The following CHRNB3 variants were observed in gnomAD, a reference collection of about 807,000 sequenced individuals.
CHRNB3 encodes the protein cholinergic receptor nicotinic beta 3 subunit.
A neutral mutation model predicts 40.6 loss-of-function variants in CHRNB3; 37 were observed. The ratio of observed to expected loss-of-function variants is 0.91; its 90% confidence interval spans 0.70 to 1.20. The LOEUF (loss-of-function observed/expected upper bound fraction) is 1.20. Ranked by LOEUF, CHRNB3 falls within the 50% of genes most tolerant of loss-of-function variation. The pLI is 0.00. For synonymous variants in CHRNB3, 207 were observed against 207.1 expected (o/e 1.00, Z 0.00); for missense variants, 505 against 551.2 (o/e 0.92, Z 0.84).
intron 3 of CHRNB3, among the ~76,000 whole-genome samples, chr8:42,721,474 A>T (rs901189236): frequency 6.6e-6 from 1 of 152,112 alleles, no homozygotes; most frequent in Non-Finnish European, 1.5e-5. Context: ...CTGTAATCTC[A>T]GCACTTTGGG....
intron 1 of CHRNB3, among the ~76,000 whole-genome samples, chr8:42,704,989 G>C (rs1815896965): frequency 6.6e-6 from 1 of 152,158 alleles, no homozygotes; most frequent in South Asian, 2.1e-4. Context: ...CAGAAACCCA[G>C]GTTCTGTGTG....
At chr8:42,725,526 G>A in intron 3 of CHRNB3, 1 of 717,974 alleles carries the variant, frequency 1.4e-6, no homozygotes, top group Non-Finnish European at 2.5e-6. Flanking sequence ...AAAATTTACT[G>A]CAGTTTGGCA....
chr8:42,733,942 C>T (rs1000633482), intron 5 of CHRNB3, among the ~76,000 whole-genome samples: 5 of 149,426 alleles, frequency 3.3e-5, no homozygotes, highest in African/African-American at 1.2e-4. Flanking sequence ...TATTATTTGA[C>T]GTGCAGATAT....
chr8:42,706,415 G>A (rs1815922641), intron 1 of CHRNB3, among the ~76,000 whole-genome samples: 1 of 152,170 alleles, frequency 6.6e-6, no homozygotes, highest in African/African-American at 2.4e-5. Context: ...GCTGTGTGGG[G>A]AATGGACTGC....
chr8:42,730,183 C>G (rs1223659547), intron 3 of CHRNB3, among the ~76,000 whole-genome samples: 2 of 152,138 alleles, frequency 1.3e-5, no homozygotes, highest in Admixed American at 1.3e-4. Flanking sequence ...TGTTTAAAAT[C>G]ACTTGTACCA....
rs1234313589 is a variant in CHRNB3 at position 42,732,161 on chromosome 8, T to A, written c.854T>A (p.Ile285Asn). Reference sequence around the variant, plus strand: ...GTTTTCCTTTTAGTGATTGAAGAAATCATCCCATCGTCTTCCAAAGTCATT... The same window carrying A: ...GTTTTCCTTTTAGTGATTGAAGAAAACATCCCATCGTCTTCCAAAGTCATT... ...LTVFLLVIEE[I>N]IPSSSKVIPL... Residue 285 changes from isoleucine to asparagine, a missense_variant, in exon 5 of 6, where the codon ATC (isoleucine) becomes AAC (asparagine). Physicochemically the swap from Ile to Asn is moderately radical, Grantham distance 149. Transcript: ENST00000289957. The A allele has an allele frequency of 6.2e-7, 1 of 1,610,628 alleles. No homozygotes were observed. The highest frequency in any genetic ancestry group is 2.2e-5 in the East Asian group (1 of 44,888).
intron 3 of CHRNB3, among the ~76,000 whole-genome samples, chr8:42,722,519 T>C (rs1203479894): frequency 2.6e-5 from 4 of 152,066 alleles, no homozygotes; most frequent in Non-Finnish European, 2.9e-5. Flanking sequence ...TTGGACACAG[T>C]ACAGTATGAT....
chr8:42,735,635 C>A (rs1816511623), intron 5 of CHRNB3, among the ~76,000 whole-genome samples: 1 of 152,116 alleles, frequency 6.6e-6, no homozygotes, highest in African/African-American at 2.4e-5. Flanking sequence ...GATGAGGACT[C>A]CCCTTCCTTT....
At position 42,704,918 on chromosome 8, in the gene CHRNB3, CA is replaced by C. The variant is rs1338732640; in HGVS notation, c.53-3796del. ...CTGTCAGTGGCTACAGTGGCTTAAC[CA>C]AATAGGAGATTGCTTTTCTCACATA... On this transcript the variant is annotated intron_variant, in intron 1 of 5. Transcript: ENST00000289957. 4.6e-5 allele frequency among the ~76,000 whole-genome samples: 7 copies of C among 152,272 alleles called. No individual in the cohort carries two copies. The East Asian group carries it at 1.3e-3, about 29-fold the overall frequency.
intron 2 of CHRNB3, among the ~76,000 whole-genome samples, chr8:42,709,925 C>A (rs557817580): frequency 6.6e-6 from 1 of 152,298 alleles, no homozygotes; most frequent in African/African-American, 2.4e-5. Flanking sequence ...AGCCACTGCA[C>A]CCAGCCTACT....
At chr8:42,721,103 A>G (rs1362633858) in intron 3 of CHRNB3, among the ~76,000 whole-genome samples, 1 of 152,240 alleles carries the variant, frequency 6.6e-6, no homozygotes, top group Admixed American at 6.5e-5. Context: ...GCCTGTCCCC[A>G]GTGCTCTTAG....
chr8:42,727,546 C>T (rs1816333608), intron 3 of CHRNB3, among the ~76,000 whole-genome samples: 1 of 152,088 alleles, frequency 6.6e-6, no homozygotes, highest in South Asian at 2.1e-4. Flanking sequence ...GACAATTGGA[C>T]ACTCACATGC....
intron 4 of CHRNB3, among the ~76,000 whole-genome samples, chr8:42,731,025 G>A (rs1032043472): frequency 5.9e-5 from 8 of 134,940 alleles, no homozygotes; most frequent in South Asian, 2.4e-4. Context: ...TCCGCAGTCC[G>A]GCCTGGGCGA....
intron 1 of CHRNB3, among the ~76,000 whole-genome samples, chr8:42,707,302 G>A (rs904972706): frequency 1.3e-5 from 2 of 152,148 alleles, no homozygotes; most frequent in African/African-American, 4.8e-5. Context: ...AAGAATCCCT[G>A]GATTTTGAGT....
intron 3 of CHRNB3, chr8:42,726,259 T>C (rs940240573): frequency 4.4e-6 from 3 of 675,184 alleles, no homozygotes; most frequent in African/African-American, 3.6e-5. Context: ...TACTACTCAG[T>C]AATTAAGGCA....
Position 42,732,012 on chromosome 8 carries a change from C to T in CHRNB3, c.705C>T (p.Phe235=), listed in dbSNP as rs1260124571. Residue 235 remains phenylalanine, a synonymous_variant, in exon 5 of 6, where the codon TTC becomes TTT. Coordinates refer to ENST00000289957, the MANE Select transcript of CHRNB3 (RefSeq NM_000749.5). The part of the protein sequence containing the change: ...YSFVLRRLPL[F]YTLFLIIPCL... ...TCGTCCTGAGACGCCTGCCTTTATT[C>T]TATACCCTCTTTCTCATCATCCCCT... 1 of 1,614,062 alleles carries T rather than the reference C, an allele frequency of 6.2e-7. No individual in the cohort carries two copies. The highest frequency in any genetic ancestry group is 1.1e-5 in the South Asian group (1 of 91,058).
At chr8:42,706,581 A>G (rs1279512269) in intron 1 of CHRNB3, among the ~76,000 whole-genome samples, 1 of 151,944 alleles carries the variant, frequency 6.6e-6, no homozygotes, top group African/African-American at 2.4e-5. Context: ...GGTGGGAGAA[A>G]AAGAGAGGAG....
intron 1 of CHRNB3, 92 bp from the exon 2 acceptor site, chr8:42,708,625 T>TGCA: frequency 7.1e-7 from 1 of 1,402,050 alleles, no homozygotes; most frequent in Non-Finnish European, 9.9e-7. Flanking sequence ...CAGCCTATGG[T>TGCA]GCAGGAGGCC....
intron 3 of CHRNB3, among the ~76,000 whole-genome samples, chr8:42,715,814 A>G (rs1014999767): frequency 3.3e-5 from 5 of 151,994 alleles, no homozygotes; most frequent in African/African-American, 1.2e-4. Flanking sequence ...GTACTTCCAG[A>G]CAGTAATCAA....
Sources: gnomAD v4.1 joint callset for allele counts (sites outside exome capture counted in the v4.1 genomes callset) on GRCh38, gnomAD v4.1.1 for gene constraint, MANE v1.5 for transcripts, NCBI Gene and HGNC (gene_info 2026-07-23, HGNC 2026-07-21) for gene names.